Variants in BMPR1B observed in about 807,000 individuals in gnomAD.
BMPR1B encodes bone morphogenetic protein receptor type-1B.
In BMPR1B, 12 loss-of-function variants were observed where a neutral mutation model predicts 59.1. That is an observed-to-expected ratio of 0.20 (90% CI 0.13 to 0.33). BMPR1B has a LOEUF of 0.33. Ranked by LOEUF, BMPR1B falls within the 10% of genes least tolerant of loss-of-function variation. The pLI is 1.00. For synonymous variants in BMPR1B, 237 were observed against 207.3 expected (o/e 1.14, Z -1.23); for missense variants, 550 against 610.9 (o/e 0.90, Z 1.05).
intron 3 of BMPR1B, among the ~76,000 whole-genome samples, chr4:95,076,136 ACAACCCTC>A (rs1215801826): frequency 1.3e-5 from 2 of 152,174 alleles, no homozygotes; most frequent in Non-Finnish European, 1.5e-5. Flanking sequence ...AACTTGACTT[ACAACCCTC>A]ATTTCACTGT....
chr4:95,012,306 A>G (rs185456656), intron 3 of BMPR1B, among the ~76,000 whole-genome samples: 1 of 152,322 alleles, frequency 6.6e-6, no homozygotes, highest in Admixed American at 6.5e-5. Flanking sequence ...AAAGGTTTCA[A>G]TACCTATTAG....
chr4:94,890,175 A>G (rs1345886607), intron 2 of BMPR1B, among the ~76,000 whole-genome samples: 1 of 152,084 alleles, frequency 6.6e-6, no homozygotes, highest in African/African-American at 2.4e-5. Flanking sequence ...AGCTAATTGC[A>G]TATAACAAGA....
rs543805169 is a variant in BMPR1B, at chr4:95,104,269, C to A, written c.-17-139C>A. Reference sequence around the variant, plus strand: ...AAAGACATGATTTTAATCAAAATACCAAAATGTCTGTTTTTCTGTTTAAAT... The same window carrying A: ...AAAGACATGATTTTAATCAAAATACAAAAATGTCTGTTTTTCTGTTTAAAT... On this transcript the variant is annotated intron_variant, in intron 3 of 12. Transcript: ENST00000515059. 1.6e-4 allele frequency: 162 copies of A among 1,025,738 alleles called. No homozygotes were observed. In the African/African-American group the frequency reaches 2.2e-3, roughly 14 times the overall value. The allele number at this position is 1,025,738 out of a possible 1,614,324, so 63.5% of individuals were successfully genotyped here. A position where few individuals can be genotyped will look rare whatever the true frequency, so the allele number is the denominator to read the frequency against.
chr4:95,131,985 A>C (rs1411254618), intron 10 of BMPR1B, among the ~76,000 whole-genome samples: 2 of 152,228 alleles, frequency 1.3e-5, no homozygotes, highest in Non-Finnish European at 2.9e-5. Flanking sequence ...GAAACAGTGA[A>C]TTTAACATCT....
intron 12 of BMPR1B, among the ~76,000 whole-genome samples, chr4:95,154,062 A>G (rs1735242071): frequency 6.6e-6 from 1 of 152,212 alleles, no homozygotes; most frequent in South Asian, 2.1e-4. Context: ...AGGAAGACCA[A>G]TAATTGATGT....
At chr4:94,906,861 T>A (rs755727860) in intron 2 of BMPR1B, among the ~76,000 whole-genome samples, 3 of 152,076 alleles carry the variant, frequency 2.0e-5, no homozygotes, top group African/African-American at 4.8e-5. Flanking sequence ...TGACTATGAA[T>A]AACTCATAAT....
intron 12 of BMPR1B, among the ~76,000 whole-genome samples, chr4:95,154,012 C>T (rs2149332161): frequency 6.6e-6 from 1 of 152,280 alleles, no homozygotes; most frequent in Middle Eastern, 3.4e-3. Flanking sequence ...GATATCTCTT[C>T]ACTGAGGATT....
chr4:95,115,552 ATT>A (rs1731960562), intron 5 of BMPR1B, 131 bp from the exon 6 acceptor site: 8 of 777,024 alleles, frequency 1.0e-5, no homozygotes, highest in Non-Finnish European at 1.8e-5. Context: ...AGGAGAACAT[ATT>A]TAAGGTGTTT....
intron 3 of BMPR1B, among the ~76,000 whole-genome samples, chr4:95,008,987 GAT>G (rs1291445291): frequency 1.3e-5 from 2 of 152,066 alleles, no homozygotes; most frequent in Non-Finnish European, 2.9e-5. Context: ...CCCCGGAGTT[GAT>G]GATTGCAGTG....
intron 10 of BMPR1B, among the ~76,000 whole-genome samples, chr4:95,132,929 A>G (rs764591717): frequency 2.6e-5 from 4 of 151,934 alleles, no homozygotes; most frequent in Non-Finnish European, 4.4e-5. Flanking sequence ...TTCTTGGTGT[A>G]TCTCTGTACT....
chr4:94,976,041 C>T (rs980155986), intron 2 of BMPR1B, among the ~76,000 whole-genome samples: 1 of 152,290 alleles, frequency 6.6e-6, no homozygotes, highest in Admixed American at 6.5e-5. Context: ...AGGGTATCTC[C>T]TGCATTTTGC....
chr4:95,124,497 T>C (rs1469332345), intron 7 of BMPR1B, among the ~76,000 whole-genome samples: 1 of 152,086 alleles, frequency 6.6e-6, no homozygotes, highest in African/African-American at 2.4e-5. Flanking sequence ...ATAAATTCAT[T>C]TCTAATTGAA....
At chr4:95,032,829 T>C (rs780949219) in intron 3 of BMPR1B, among the ~76,000 whole-genome samples, 5 of 152,174 alleles carry the variant, frequency 3.3e-5, no homozygotes, top group Non-Finnish European at 5.9e-5. Context: ...TGAATAATGC[T>C]GCTGTGAACA....
chr4:94,929,682 C>T (rs778980996), intron 2 of BMPR1B, among the ~76,000 whole-genome samples: 12 of 151,994 alleles, frequency 7.9e-5, no homozygotes, highest in African/African-American at 1.4e-4. Context: ...TCATTCTTCC[C>T]GCTTTTCATG....
chr4:94,910,072 A>G (rs1728216558), intron 2 of BMPR1B, among the ~76,000 whole-genome samples: 4 of 152,196 alleles, frequency 2.6e-5, no homozygotes, highest in Middle Eastern at 3.4e-3. Context: ...AAGAGCCTTT[A>G]AAAGACATTC....
chr4:95,036,699 A>G (rs555965809), intron 3 of BMPR1B, among the ~76,000 whole-genome samples: 6 of 111,152 alleles, frequency 5.4e-5, no homozygotes, highest in African/African-American at 1.0e-4. Context: ...TCAATATACA[A>G]TTTCCTTTTT....
chr4:94,932,734 A>G (rs1333407642), intron 2 of BMPR1B, among the ~76,000 whole-genome samples: 1 of 152,172 alleles, frequency 6.6e-6, no homozygotes, highest in African/African-American at 2.4e-5. Context: ...ACATTAATAT[A>G]CATAATAATA....
intron 1 of BMPR1B, among the ~76,000 whole-genome samples, chr4:94,803,374 T>G (rs1023304451): frequency 3.7e-4 from 56 of 152,286 alleles, no homozygotes; most frequent in Non-Finnish European, 1.6e-4. Context: ...CTGACCACAT[T>G]GTGGTTTACA....
At chr4:95,151,779 A>G (rs1342105429) in intron 11 of BMPR1B, among the ~76,000 whole-genome samples, 4 of 152,206 alleles carry the variant, frequency 2.6e-5, no homozygotes, top group Non-Finnish European at 5.9e-5. Context: ...TTTCTATAAA[A>G]GATGATTTAG....
Sources: allele counts gnomAD v4.1 joint callset (sites outside exome capture counted in the v4.1 genomes callset), GRCh38; gene constraint gnomAD v4.1.1; transcripts MANE v1.5; gene names NCBI Gene and HGNC (gene_info 2026-07-23, HGNC 2026-07-21).